GRM5: variants seen among roughly 807,000 people sequenced by gnomAD.
GRM5 encodes the protein metabotropic glutamate receptor 5.
A neutral mutation model predicts 83.1 loss-of-function variants in GRM5; 19 were observed. The observed-to-expected ratio is 0.23, with a 90% CI of 0.16 to 0.34. The LOEUF is 0.34. Ranked by LOEUF, GRM5 falls within the 10% of genes least tolerant of loss-of-function variation. The pLI is 1.00. For synonymous variants in GRM5, 675 were observed against 633.6 expected (o/e 1.07, Z -0.98); for missense variants, 1,160 against 1,588.3 (o/e 0.73, Z 4.58).
rs1210984163 is a variant in GRM5 at position 89,065,765 on chromosome 11, G to A, written c.-201+11C>T. 6.6e-6 allele frequency: 1 copy of A among 152,270 alleles called. No homozygotes were observed. Among genetic ancestry groups the A allele is most frequent in the Non-Finnish European group, 1.5e-5 (1 of 68,102 alleles). 9.4% of individuals were successfully genotyped at this position (152,270 alleles called of 1,614,324 possible). ...CTATAGCCAAGAGAAAGAAAAAGGC[G>A]CTGTGCTTACCAGGTGCGCGCCCTG... On this transcript the variant is annotated intron_variant, in intron 1 of 9. Transcript: ENST00000305447.
At chr11:88,864,479 T>C in intron 2 of GRM5, among the ~76,000 whole-genome samples, 1 of 152,070 alleles carries the variant, frequency 6.6e-6, no homozygotes, top group Non-Finnish European at 1.5e-5. Context: ...GTTTGTCTAT[T>C]ATTGTTGTGT....
At chr11:88,808,838 C>A (rs147763457) in intron 3 of GRM5, among the ~76,000 whole-genome samples, 108 of 152,030 alleles carry the variant, frequency 7.1e-4, no homozygotes, top group Middle Eastern at 3.4e-3. Flanking sequence ...AAATATGATC[C>A]CTTAACATGA....
intron 7 of GRM5, among the ~76,000 whole-genome samples, chr11:88,590,029 A>T (rs746765587): frequency 3.7e-4 from 57 of 152,154 alleles, no homozygotes; most frequent in Non-Finnish European, 7.5e-4. Context: ...ATTCTTTAAC[A>T]TCTGTTGGCA....
At chr11:88,617,626 G>A (rs1268340368) in intron 4 of GRM5, among the ~76,000 whole-genome samples, 2 of 152,154 alleles carry the variant, frequency 1.3e-5, no homozygotes, top group Non-Finnish European at 2.9e-5. Flanking sequence ...GGTGATGATA[G>A]TAAGCGGTGG....
intron 4 of GRM5, among the ~76,000 whole-genome samples, chr11:88,615,728 G>T (rs954099974): frequency 5.3e-5 from 8 of 151,458 alleles, no homozygotes; most frequent in African/African-American, 1.9e-4. Context: ...GGCCAGATGT[G>T]GTTGGTATCC....
intron 3 of GRM5, among the ~76,000 whole-genome samples, chr11:88,685,513 A>G (rs1940597819): frequency 6.6e-6 from 1 of 152,224 alleles, no homozygotes; most frequent in Non-Finnish European, 1.5e-5. Flanking sequence ...CATAAGTAAC[A>G]AGGAGCCAAA....
intron 3 of GRM5, among the ~76,000 whole-genome samples, chr11:88,676,797 G>A (rs896080278): frequency 1.3e-5 from 2 of 152,004 alleles, no homozygotes; most frequent in African/African-American, 4.8e-5. Flanking sequence ...AAAACTTGAA[G>A]TTAATTCATT....
At chr11:88,703,942 TCAA>T (rs1025940121) in intron 3 of GRM5, among the ~76,000 whole-genome samples, 5 of 151,996 alleles carry the variant, frequency 3.3e-5, no homozygotes, top group African/African-American at 1.2e-4. Flanking sequence ...CTGGGTTTTT[TCAA>T]CAACAAACAT....
At chr11:88,816,219 C>CAA (rs1183223330) in intron 3 of GRM5, among the ~76,000 whole-genome samples, 44 of 44,934 alleles carry the variant, frequency 9.8e-4, no homozygotes, top group Admixed American at 1.8e-3. Context: ...GACTCCGTCT[C>CAA]AAAAAAAAAA....
At chr11:88,952,086 CAA>C (rs1669885767) in intron 2 of GRM5, among the ~76,000 whole-genome samples, 1 of 150,880 alleles carries the variant, frequency 6.6e-6, no homozygotes, top group Admixed American at 6.7e-5. Context: ...CAGCTCTCAG[CAA>C]AGTCTCGCTC....
chr11:88,723,224 A>G (rs977784714), intron 3 of GRM5, among the ~76,000 whole-genome samples: 36 of 151,268 alleles, frequency 2.4e-4, no homozygotes, highest in Admixed American at 1.9e-3. Flanking sequence ...ATTTCTTTTC[A>G]TCACTGACTA....
intron 2 of GRM5, among the ~76,000 whole-genome samples, chr11:88,983,244 C>T (rs189758408): frequency 6.6e-6 from 1 of 152,288 alleles, no homozygotes; most frequent in African/African-American, 2.4e-5. Context: ...TTTTCTTCCT[C>T]ATAGCAATTC....
intron 3 of GRM5, among the ~76,000 whole-genome samples, chr11:88,808,745 G>A (rs2135494844): frequency 6.6e-6 from 1 of 151,984 alleles, no homozygotes; most frequent in South Asian, 2.1e-4. Context: ...CAATCTCTTA[G>A]TCTTCCTAGA....
chr11:88,802,168 GT>G (rs2135487486), intron 3 of GRM5, among the ~76,000 whole-genome samples: 1 of 152,162 alleles, frequency 6.6e-6, no homozygotes, highest in South Asian at 2.1e-4. Context: ...AAAGAGTAGG[GT>G]CATAAAGACA....
At chr11:89,028,620 A>T (rs541066505) in intron 2 of GRM5, among the ~76,000 whole-genome samples, 1 of 152,254 alleles carries the variant, frequency 6.6e-6, no homozygotes, top group South Asian at 2.1e-4. Flanking sequence ...TCCAAAACAC[A>T]TTTGAAGTAC....
At chr11:88,925,225 T>C (rs1945765936) in intron 2 of GRM5, among the ~76,000 whole-genome samples, 1 of 152,136 alleles carries the variant, frequency 6.6e-6, no homozygotes, top group South Asian at 2.1e-4. Flanking sequence ...ACTTATAAAA[T>C]GGCCACTGTG....
intron 3 of GRM5, among the ~76,000 whole-genome samples, chr11:88,805,615 A>G (rs1943486246): frequency 1.3e-5 from 2 of 152,224 alleles, no homozygotes; most frequent in Non-Finnish European, 2.9e-5. Context: ...TTCAATGCAA[A>G]TGGAACGGTA....
intron 3 of GRM5, among the ~76,000 whole-genome samples, chr11:88,719,777 C>T (rs1051040657): frequency 1.3e-5 from 2 of 152,134 alleles, no homozygotes; most frequent in Non-Finnish European, 1.5e-5. Context: ...GAGATGGTAT[C>T]TCATTGTGGT....
intron 2 of GRM5, among the ~76,000 whole-genome samples, chr11:89,034,100 A>G (rs1298625905): frequency 1.3e-5 from 2 of 151,750 alleles, no homozygotes; most frequent in African/African-American, 4.8e-5. Flanking sequence ...TAAATAAGCC[A>G]GAGAATATCT....
Sources: allele counts gnomAD v4.1 joint callset (sites outside exome capture counted in the v4.1 genomes callset), GRCh38; gene constraint gnomAD v4.1.1; transcripts MANE v1.5; gene names NCBI Gene and HGNC (gene_info 2026-07-23, HGNC 2026-07-21).